ARHGAP24: variants seen among roughly 807,000 people sequenced by gnomAD.
ARHGAP24 encodes the protein rho GTPase-activating protein 24.
In ARHGAP24, 50 loss-of-function variants were observed where a neutral mutation model predicts 76.4. That is an observed-to-expected ratio of 0.65 (90% CI 0.52 to 0.83). The LOEUF (loss-of-function observed/expected upper bound fraction) is 0.83. ARHGAP24 is among the 40% of genes least tolerant of loss of function. The probability of loss-of-function intolerance (pLI) is 0.00; values close to 1 mark genes in which losing one functional copy is unlikely to be tolerated. For missense variants in ARHGAP24, 930 were observed against 914.2 expected (o/e 1.02, Z -0.22); for synonymous variants, 345 against 323.3 (o/e 1.07, Z -0.72).
In ARHGAP24 at chr4:86,002,380, A is replaced by T. The variant is rs1741063821; in HGVS notation, c.*1658A>T. ...CTTTTCTCTCTCTTTCCAATTATTTAACCAGTTACTTCCACCTGGACATAC... is the reference window on the plus strand; with the variant it reads ...CTTTTCTCTCTCTTTCCAATTATTTTACCAGTTACTTCCACCTGGACATAC... On this transcript the variant is annotated 3_prime_UTR_variant, in exon 10 of 10. Coordinates refer to ENST00000395184, the MANE Select transcript of ARHGAP24 (RefSeq NM_001025616.3). 2 of 152,158 alleles carry T rather than the reference A, an allele frequency of 1.3e-5. No homozygotes were observed. The highest frequency in any genetic ancestry group is 4.1e-4 in the South Asian group (2 of 4,830). 9.4% of individuals were successfully genotyped at this position (152,158 alleles called of 1,614,324 possible).
chr4:85,660,808 A>AAAAAAAAT (rs1235096050), intron 2 of ARHGAP24, among the ~76,000 whole-genome samples: 2 of 150,276 alleles, frequency 1.3e-5, no homozygotes, highest in Non-Finnish European at 3.0e-5. Flanking sequence ...AAAAAAAAAA[A>AAAAAAAAT]AAAAAAAAAT....
chr4:85,572,391 G>A (rs1358972297), intron 2 of ARHGAP24, among the ~76,000 whole-genome samples: 1 of 152,090 alleles, frequency 6.6e-6, no homozygotes, highest in Non-Finnish European at 1.5e-5. Flanking sequence ...GAACAATTTA[G>A]GGCAGAGTTC....
chr4:85,789,943 T>C (rs1728041875), intron 3 of ARHGAP24, among the ~76,000 whole-genome samples: 1 of 152,224 alleles, frequency 6.6e-6, no homozygotes, highest in South Asian at 2.1e-4. Context: ...GTTTCTGGAC[T>C]GTCTTCCAAT....
chr4:85,966,288 G>A (rs919773484), intron 5 of ARHGAP24, among the ~76,000 whole-genome samples: 3 of 152,118 alleles, frequency 2.0e-5, no homozygotes, highest in African/African-American at 4.8e-5. Context: ...TTTGATGTAC[G>A]AAGAGGATAG....
chr4:85,625,987 T>G (rs1720936832), intron 2 of ARHGAP24, among the ~76,000 whole-genome samples: 1 of 152,242 alleles, frequency 6.6e-6, no homozygotes, highest in African/African-American at 2.4e-5. Flanking sequence ...ATGGGTTTCC[T>G]GAATACAGCA....
intron 2 of ARHGAP24, among the ~76,000 whole-genome samples, chr4:85,707,279 A>G (rs1346466859): frequency 1.3e-5 from 2 of 152,180 alleles, no homozygotes; most frequent in Non-Finnish European, 1.5e-5. Flanking sequence ...ATGCAAGGAT[A>G]TATTTTTACC....
At chr4:85,880,584 A>G (rs1457846472) in intron 3 of ARHGAP24, among the ~76,000 whole-genome samples, 5 of 152,030 alleles carry the variant, frequency 3.3e-5, no homozygotes, top group Non-Finnish European at 7.4e-5. Flanking sequence ...GCTGGAGTGC[A>G]GTGGCACGAC....
chr4:85,948,669 C>T (rs989054167), intron 5 of ARHGAP24, among the ~76,000 whole-genome samples: 40 of 152,096 alleles, frequency 2.6e-4, no homozygotes, highest in African/African-American at 7.7e-4. Context: ...TTGCATAAAA[C>T]GCACCAATGC....
intron 5 of ARHGAP24, among the ~76,000 whole-genome samples, chr4:85,946,600 C>T (rs1737281215): frequency 6.6e-6 from 1 of 152,096 alleles, no homozygotes; most frequent in African/African-American, 2.4e-5. Flanking sequence ...TCTGTTTCTT[C>T]GTTAGTTCAC....
At chr4:85,905,206 A>T (rs898089996) in intron 3 of ARHGAP24, among the ~76,000 whole-genome samples, 17 of 152,172 alleles carry the variant, frequency 1.1e-4, no homozygotes, top group Non-Finnish European at 2.1e-4. Flanking sequence ...TTTTAAGGGC[A>T]AAGTAGTGTT....
intron 2 of ARHGAP24, among the ~76,000 whole-genome samples, chr4:85,661,009 T>G (rs775924736): frequency 6.6e-6 from 1 of 152,192 alleles, no homozygotes; most frequent in African/African-American, 2.4e-5. Flanking sequence ...CTTTTCTTAT[T>G]TCTTACTAAG....
At chr4:85,640,372 C>T (rs1721479380) in intron 2 of ARHGAP24, among the ~76,000 whole-genome samples, 1 of 152,200 alleles carries the variant, frequency 6.6e-6, no homozygotes, top group African/African-American at 2.4e-5. Flanking sequence ...CCTGACCAAC[C>T]CTGGTCTTCC....
intron 1 of ARHGAP24, among the ~76,000 whole-genome samples, chr4:85,508,647 C>T (rs549646570): frequency 6.6e-6 from 1 of 152,258 alleles, no homozygotes; most frequent in South Asian, 2.1e-4. Flanking sequence ...TTCCCCAGAC[C>T]CTTACCATTT....
In ARHGAP24 at chr4:85,578,804, C is replaced by A. The variant is rs76462712; in HGVS notation, c.180+8083C>A. 1.4e-3 allele frequency among the ~76,000 whole-genome samples: 213 copies of A among 152,174 alleles called. 6 individuals carry two copies. The East Asian group carries it at 0.039, about 28-fold the overall frequency. On this transcript the variant is annotated intron_variant, in intron 2 of 9. Coordinates refer to ENST00000395184, the MANE Select transcript of ARHGAP24 (RefSeq NM_001025616.3). ...TGTCCATCAGGATACATTAACACAG[C>A]AGTTTAGAAGTTAAGATCTATAATA...
Position 85,923,670 on chromosome 4 carries a change from A to C in ARHGAP24, c.291A>C (p.Thr97=). The C allele has an allele frequency of 6.2e-7, 1 of 1,613,890 alleles. No homozygotes were observed. Among genetic ancestry groups the C allele is most frequent in the East Asian group, 2.2e-5 (1 of 44,858 alleles). ...CAGGAGGCGATCGAGATCGGATGAC[A>C]GCAAATCATGAAAGCTACCTCCTCA... The part of the protein sequence containing the change: ...VVPGGDRDRM[T]ANHESYLLMA... The change falls in exon 4 of 10, where the codon ACA becomes ACC. Residue 97 remains threonine (T), a synonymous_variant. Transcript: ENST00000395184.
intron 3 of ARHGAP24, among the ~76,000 whole-genome samples, chr4:85,852,764 C>A (rs1731312329): frequency 6.6e-6 from 1 of 152,194 alleles, no homozygotes; most frequent in Non-Finnish European, 1.5e-5. Context: ...ACACTGTTTG[C>A]CTGGGTATCA....
At chr4:85,597,202 A>G (rs1189757966) in intron 2 of ARHGAP24, among the ~76,000 whole-genome samples, 2 of 152,100 alleles carry the variant, frequency 1.3e-5, no homozygotes, top group Non-Finnish European at 2.9e-5. Flanking sequence ...CTTAAGATGT[A>G]AGGTTTGGTT....
chr4:85,557,821 C>T (rs931360082), intron 1 of ARHGAP24, among the ~76,000 whole-genome samples: 2 of 152,208 alleles, frequency 1.3e-5, no homozygotes, highest in Non-Finnish European at 2.9e-5. Flanking sequence ...CAGAAGACTA[C>T]ATATTCTTAG....
chr4:85,733,060 C>CCTTTTTTTTTTTTTTTTTT (rs1460021134), intron 3 of ARHGAP24, among the ~76,000 whole-genome samples: 3 of 55,206 alleles, frequency 5.4e-5, no homozygotes, highest in Admixed American at 7.7e-4. Flanking sequence ...GCCTCACCAA[C>CCTTTTTTTTTTTTTTTTTT]TTTTTTTTTT....
Sources: allele counts gnomAD v4.1 joint callset (sites outside exome capture counted in the v4.1 genomes callset), GRCh38; gene constraint gnomAD v4.1.1; transcripts MANE v1.5; gene names NCBI Gene and HGNC (gene_info 2026-07-23, HGNC 2026-07-21).